USH2A: variants seen among roughly 807,000 people sequenced by gnomAD.
USH2A encodes the protein Usher syndrome 2A (autosomal recessive, mild).
In USH2A, 443 loss-of-function variants were observed where a neutral mutation model predicts 538.9. That is an observed-to-expected ratio of 0.82 (90% CI 0.76 to 0.89). The LOEUF is 0.89. Ranked by LOEUF, USH2A falls within the 40% of genes least tolerant of loss-of-function variation. USH2A has a pLI of 0.00. For synonymous variants in USH2A, 2,413 were observed against 2,273.5 expected, an observed-to-expected ratio of 1.06 and a Z score of -1.75; for missense variants, 6,633 against 6,324.8, an observed-to-expected ratio of 1.05 and a Z score of -1.65.
chr1:216,075,339 A>G (rs190006625), intron 27 of USH2A, among the ~76,000 whole-genome samples: 25 of 152,270 alleles, frequency 1.6e-4, no homozygotes, highest in Non-Finnish European at 2.9e-4. Context: ...ACCACCAGAA[A>G]TGCTCCCCAG....
intron 22 of USH2A, among the ~76,000 whole-genome samples, chr1:216,093,514 A>G (rs1179927919): frequency 6.6e-6 from 1 of 152,138 alleles, no homozygotes; most frequent in African/African-American, 2.4e-5. Context: ...ATATGAAAAC[A>G]ACTAGACCTG....
At chr1:216,167,659 A>G (rs953628814) in intron 21 of USH2A, among the ~76,000 whole-genome samples, 3 of 152,204 alleles carry the variant, frequency 2.0e-5, no homozygotes, top group African/African-American at 7.2e-5. Context: ...ATAAAACCCC[A>G]AGTAAAGGTC....
At chr1:215,785,749 C>T (rs944662106) in intron 52 of USH2A, among the ~76,000 whole-genome samples, 1 of 152,102 alleles carries the variant, frequency 6.6e-6, no homozygotes, top group Admixed American at 6.5e-5. Flanking sequence ...AATCTTCCTC[C>T]TCTTATCTTA....
chr1:215,836,473 TATATATAATATATA>T (rs1558119749), intron 47 of USH2A, among the ~76,000 whole-genome samples: 2 of 5,040 alleles, frequency 4.0e-4, no homozygotes, highest in Non-Finnish European at 5.1e-4. Context: ...ATTATATATA[TATATATAATATATA>T]TTATATATAT....
At chr1:216,367,746 C>A (rs1402913801) in intron 3 of USH2A, among the ~76,000 whole-genome samples, 1 of 152,094 alleles carries the variant, frequency 6.6e-6, no homozygotes, top group African/African-American at 2.4e-5. Flanking sequence ...TTTTATGTTC[C>A]AAGATTCTCT....
chr1:215,926,965 T>C (rs1003569782), intron 38 of USH2A, among the ~76,000 whole-genome samples: 28 of 152,234 alleles, frequency 1.8e-4, no homozygotes, highest in Admixed American at 1.8e-3. Flanking sequence ...ATTTACTCTG[T>C]ATTGCAGAGA....
chr1:215,844,827 A>G (rs1663795438), intron 45 of USH2A, among the ~76,000 whole-genome samples: 1 of 152,116 alleles, frequency 6.6e-6, no homozygotes, highest in Non-Finnish European at 1.5e-5. Context: ...CTTTCACTCT[A>G]TACCTCCAAG....
intron 41 of USH2A, among the ~76,000 whole-genome samples, chr1:215,883,767 C>A (rs1020509856): frequency 3.3e-5 from 5 of 152,056 alleles, no homozygotes; most frequent in Admixed American, 6.6e-5. Context: ...CTTTTTCATG[C>A]CAATACCATA....
intron 37 of USH2A, among the ~76,000 whole-genome samples, chr1:215,958,126 C>G (rs78837734): frequency 0.042 from 6,330 of 150,410 alleles, 151 homozygotes; most frequent in Middle Eastern, 0.097. Context: ...AAAATAAACG[C>G]TTCTGTATAT....
rs144200261 is a variant in USH2A at position 215,674,718 on chromosome 1, G to C, written c.13193C>G (p.Ser4398Cys). Reference sequence around the variant, plus strand: ...CAGGCACAGGCCCTGGCCAGCAAGGGACTCTTTATTATCATATCTAACTAA... The same window carrying C: ...CAGGCACAGGCCCTGGCCAGCAAGGCACTCTTTATTATCATATCTAACTAA... ...KYLVRYDNKE[S>C]LAGQGLCLLV... Residue 4398 changes from serine to cysteine, a missense_variant, in exon 63 of 72, where the codon TCC (serine) becomes TGC (cysteine). Coordinates refer to ENST00000307340, the MANE Select transcript of USH2A (RefSeq NM_206933.4). 2.0e-5 allele frequency: 32 copies of C among 1,614,028 alleles called. No homozygotes were observed. Among genetic ancestry groups the C allele is most frequent in the Non-Finnish European group, 2.7e-5 (32 of 1,180,038 alleles).
At chr1:215,935,853 T>G (rs1183289443) in intron 37 of USH2A, among the ~76,000 whole-genome samples, 1 of 151,836 alleles carries the variant, frequency 6.6e-6, no homozygotes, top group Non-Finnish European at 1.5e-5. Context: ...CTAGGCAACA[T>G]AGCAAGTCCT....
chr1:216,419,315 AGGTCC>A (rs2039637106), intron 2 of USH2A, among the ~76,000 whole-genome samples: 2 of 152,142 alleles, frequency 1.3e-5, no homozygotes. Flanking sequence ...CTGAGGTGAA[AGGTCC>A]TTCAGCCTTC....
intron 11 of USH2A, among the ~76,000 whole-genome samples, chr1:216,278,987 C>T (rs1484321131): frequency 6.6e-6 from 1 of 152,140 alleles, no homozygotes; most frequent in Non-Finnish European, 1.5e-5. Flanking sequence ...ATTATTCCAT[C>T]TTCCATAGGT....
chr1:215,668,354 C>T (rs903947986), intron 64 of USH2A, among the ~76,000 whole-genome samples: 2 of 152,190 alleles, frequency 1.3e-5, no homozygotes, highest in Non-Finnish European at 2.9e-5. Flanking sequence ...CTAAATGAAA[C>T]TAATATTTTC....
At chr1:215,805,609 C>A (rs945626629) in intron 49 of USH2A, among the ~76,000 whole-genome samples, 1 of 151,832 alleles carries the variant, frequency 6.6e-6, no homozygotes, top group African/African-American at 2.4e-5. Context: ...TACTTTACCA[C>A]AAAAAAGTCC....
chr1:215,934,090 T>A (rs1325842501), intron 38 of USH2A, among the ~76,000 whole-genome samples: 1 of 152,032 alleles, frequency 6.6e-6, no homozygotes, highest in Admixed American at 6.6e-5. Flanking sequence ...ACTGTAATTA[T>A]TAGGATCAGG....
At chr1:216,398,390 C>T (rs909201821) in intron 3 of USH2A, among the ~76,000 whole-genome samples, 1 of 152,126 alleles carries the variant, frequency 6.6e-6, no homozygotes, top group African/African-American at 2.4e-5. Flanking sequence ...CGTAGAACCA[C>T]CAACAGGCAC....
chr1:216,391,815 C>A (rs535723151), intron 3 of USH2A, among the ~76,000 whole-genome samples: 13 of 152,322 alleles, frequency 8.5e-5, no homozygotes, highest in African/African-American at 3.1e-4. Flanking sequence ...TGCTGGTGCC[C>A]ATGTGCTTTT....
intron 38 of USH2A, among the ~76,000 whole-genome samples, chr1:215,933,932 G>T (rs143515920): frequency 2.2e-4 from 33 of 152,014 alleles, no homozygotes; most frequent in African/African-American, 6.5e-4. Context: ...TCCTCAATGC[G>T]ATTATTTCCC....
Sources: allele counts gnomAD v4.1 joint callset (sites outside exome capture counted in the v4.1 genomes callset), GRCh38; gene constraint gnomAD v4.1.1; transcripts MANE v1.5; gene names NCBI Gene and HGNC (gene_info 2026-07-23, HGNC 2026-07-21).